The following FNDC7 variants were observed in gnomAD, a reference collection of about 807,000 sequenced individuals.
FNDC7 encodes the protein fibronectin type III domain-containing protein 7.
A neutral mutation model predicts 74.2 loss-of-function variants in FNDC7; 66 were observed. The observed-to-expected ratio is 0.89, with a 90% CI of 0.73 to 1.09. The LOEUF is 1.09. Ranked by LOEUF, FNDC7 falls within the 50% of genes least tolerant of loss-of-function variation. The pLI is 0.00. For synonymous variants in FNDC7, 307 were observed against 330.2 expected, an observed-to-expected ratio of 0.93 and a Z score of 0.76; for missense variants, 829 against 893.4, an observed-to-expected ratio of 0.93 and a Z score of 0.92.
intron 10 of FNDC7, 118 bp downstream of exon 10, chr1:108,733,650 T>A (rs6692327): frequency 0.3 from 51,959 of 171,566 alleles, 1,706 homozygotes; most frequent in South Asian, 0.36. Context: ...AATTTCTTTC[T>A]TTTTTTTTTT....
Position 108,722,451 on chromosome 1 carries a change from T to C in FNDC7, c.715T>C (p.Ser239Pro), listed in dbSNP as rs745961630. Residue 239 changes from serine (S) to proline (P), a missense_variant, in exon 5 of 13, where the codon TCT becomes CCT. Coordinates refer to ENST00000370017, the MANE Select transcript of FNDC7 (RefSeq NM_001144937.3). ...FNYTVMALSD[S>P]SELTCSTTFS... ...TTATACTGTGATGGCTTTGAGCGAC[T>C]CTTCAGAGCTGACCTGCAGTACAAC... The C allele has an allele frequency of 3.1e-6, 5 of 1,614,228 alleles. No homozygotes were observed. Among genetic ancestry groups the C allele is most frequent in the South Asian group, 2.2e-5 (2 of 91,082 alleles).
intron 2 of FNDC7, among the ~76,000 whole-genome samples, chr1:108,715,834 G>C (rs900925540): frequency 8.6e-5 from 13 of 150,946 alleles, no homozygotes; most frequent in African/African-American, 3.1e-4. Context: ...GTCTAGAAGA[G>C]GTAAAATGAC....
chr1:108,741,642 T>A, intron 11 of FNDC7, 131 bp from the exon 12 acceptor site: 1 of 897,730 alleles, frequency 1.1e-6, no homozygotes. Context: ...TCATGTTTAC[T>A]TGCCGTGAAG....
intron 4 of FNDC7, 78 bp from the exon 5 acceptor site, chr1:108,722,257 C>G: frequency 1.5e-6 from 2 of 1,364,264 alleles, no homozygotes; most frequent in Non-Finnish European, 2.0e-6. Context: ...ATCCTCCAGG[C>G]TCTGCAACAT....
Position 108,733,532 on chromosome 1 carries a change from G to A in FNDC7, c.2140G>A (p.Val714Ile). The A allele has an allele frequency of 1.9e-6, 3 of 1,611,210 alleles. No homozygotes were observed. Among genetic ancestry groups the A allele is most frequent in the Non-Finnish European group, 2.5e-6 (3 of 1,177,660 alleles). Residue 714 changes from valine (V) to isoleucine (I), a missense_variant and splice_region_variant, in exon 10 of 13, where the codon GTA (valine) becomes ATA (isoleucine). By Grantham distance (29) the Val-to-Ile change is conservative (BLOSUM62 3). Coordinates refer to ENST00000370017, the MANE Select transcript of FNDC7 (RefSeq NM_001144937.3). ...TTTCTGTCCAAAAAAAATATATTCAGGTAAAGCAAGTTATGACAGTTTATC... is the reference window on the plus strand; with the variant it reads ...TTTCTGTCCAAAAAAAATATATTCAAGTAAAGCAAGTTATGACAGTTTATC... ...LTFCPKKIYS[V>I]TCSGSTLGMV... is the part of the protein sequence containing the mutation.
intron 4 of FNDC7, among the ~76,000 whole-genome samples, chr1:108,720,498 T>C (rs1661070887): frequency 6.6e-5 from 10 of 152,176 alleles, no homozygotes; most frequent in Admixed American, 6.5e-4. Flanking sequence ...TCCCCATGTT[T>C]TACAAAGCTT....
At chr1:108,719,788 G>A (rs144384955) in intron 4 of FNDC7, among the ~76,000 whole-genome samples, 11 of 151,758 alleles carry the variant, frequency 7.2e-5, no homozygotes, top group African/African-American at 2.7e-4. Context: ...ACGAGAGGGG[G>A]TGTTTTTTCT....
At chr1:108,721,395 G>A (rs1180636963) in intron 4 of FNDC7, among the ~76,000 whole-genome samples, 5 of 152,156 alleles carry the variant, frequency 3.3e-5, no homozygotes, top group East Asian at 1.9e-4. Flanking sequence ...CATGAACCCC[G>A]GAGGCGGAGT....
At chr1:108,725,711 C>T (rs758900237) in intron 5 of FNDC7, 39 bp from the exon 6 acceptor site, 18 of 1,587,892 alleles carry the variant, frequency 1.1e-5, no homozygotes, top group Middle Eastern at 1.7e-4. Context: ...AAGAAAATCT[C>T]CTGCAGTAGT....
chr1:108,742,018 TA>T lies in FNDC7; in HGVS notation c.*132del. Reference sequence around the variant, plus strand: ...GGATAGGAAAAGCTCCTTTGGCCTTTAGAAGAACAACTCTGACTCTGCTTCC... The same window carrying T: ...GGATAGGAAAAGCTCCTTTGGCCTTTGAAGAACAACTCTGACTCTGCTTCC... On this transcript the variant is annotated 3_prime_UTR_variant, in exon 13 of 13. Transcript: ENST00000370017. 1.7e-6 allele frequency: 1 copy of T among 589,954 alleles called. No individual in the cohort carries two copies. The highest frequency in any genetic ancestry group is 3.0e-6 in the Non-Finnish European group (1 of 336,460). 36.5% of individuals were successfully genotyped at this position (589,954 alleles called of 1,614,324 possible). A position where few individuals can be genotyped will look rare whatever the true frequency, so the allele number is the denominator to read the frequency against.
At chr1:108,714,042 T>C (rs1187178286) in intron 2 of FNDC7, among the ~76,000 whole-genome samples, 1 of 152,202 alleles carries the variant, frequency 6.6e-6, no homozygotes, top group African/African-American at 2.4e-5. Context: ...GACCCTCTTT[T>C]AAAAATAGTT....
intron 7 of FNDC7, 100 bp downstream of exon 7, chr1:108,728,165 T>G: frequency 1.4e-6 from 2 of 1,401,136 alleles, no homozygotes; most frequent in Non-Finnish European, 9.8e-7. Flanking sequence ...AAAGGTTAAA[T>G]CCCATTAATC....
In FNDC7 at chr1:108,718,797, GCAC is replaced by G. The variant is rs775760245; in HGVS notation, c.349_351del (p.Pro117del). 1.0e-4 allele frequency: 155 copies of G among 1,551,312 alleles called. No homozygotes were observed. The highest frequency in any genetic ancestry group is 6.9e-4 in the Admixed American group (35 of 50,966). On this transcript the variant is annotated inframe_deletion, in exon 4 of 13. Transcript: ENST00000370017. ...TGTTTTTATTTTTTTAGTGTTGGCT[GCAC>G]CAATTCTAGAAGTAAGCTCTCCAAG...
At chr1:108,715,314 T>G (rs1660949480) in intron 2 of FNDC7, among the ~76,000 whole-genome samples, 1 of 152,124 alleles carries the variant, frequency 6.6e-6, no homozygotes, top group South Asian at 2.1e-4. Flanking sequence ...TGGTTGCACA[T>G]CTAGGGAATA....
chr1:108,721,756 T>C (rs1387133423), intron 4 of FNDC7, among the ~76,000 whole-genome samples: 2 of 152,228 alleles, frequency 1.3e-5, no homozygotes, highest in Admixed American at 6.5e-5. Flanking sequence ...TGCATCACAC[T>C]TGACACCTTC....
chr1:108,730,795 G>A lies in FNDC7; in HGVS notation c.1746G>A (p.Gln582=), dbSNP rs756314600. ...HVAVLESHTG[Q]SKCHTHQNHC... Reference sequence around the variant, plus strand: ...CAGTTCTGGAGTCACACACTGGACAGTCTAAGTGTCACACTCATCAAAACC... The same window carrying A: ...CAGTTCTGGAGTCACACACTGGACAATCTAAGTGTCACACTCATCAAAACC... The change falls in exon 9 of 13, where the codon CAG becomes CAA. Residue 582 remains glutamine (Q), a synonymous_variant. Coordinates refer to ENST00000370017, the MANE Select transcript of FNDC7 (RefSeq NM_001144937.3). 6.2e-7 allele frequency: 1 copy of A among 1,614,170 alleles called. No individual in the cohort carries two copies. The highest frequency in any genetic ancestry group is 2.2e-5 in the East Asian group (1 of 44,880).
intron 6 of FNDC7, 92 bp downstream of exon 6, chr1:108,726,096 C>G: frequency 2.8e-6 from 4 of 1,424,426 alleles, no homozygotes; most frequent in Non-Finnish European, 3.9e-6. Context: ...GACTTACCAC[C>G]TGGGAGTCAT....
At chr1:108,722,139 A>G (rs971563683) in intron 4 of FNDC7, among the ~76,000 whole-genome samples, 196 bp from the exon 5 acceptor site, 2 of 151,996 alleles carry the variant, frequency 1.3e-5, no homozygotes, top group Non-Finnish European at 2.9e-5. Flanking sequence ...GTCACACAGT[A>G]TATTATGAGT....
intron 5 of FNDC7, among the ~76,000 whole-genome samples, chr1:108,722,808 A>G (rs1332049660): frequency 1.3e-5 from 2 of 152,256 alleles, no homozygotes; most frequent in African/African-American, 4.8e-5. Flanking sequence ...GAAAATTAGG[A>G]GGCCTGGTTT....
Sources: gnomAD v4.1 joint callset for allele counts (sites outside exome capture counted in the v4.1 genomes callset) on GRCh38, gnomAD v4.1.1 for gene constraint, MANE v1.5 for transcripts, NCBI Gene and HGNC (gene_info 2026-07-23, HGNC 2026-07-21) for gene names.